The following CECR2 variants were observed in gnomAD, a reference collection of about 807,000 sequenced individuals.
The protein encoded by CECR2 is CECR2 histone acetyl-lysine reader.
CECR2 carries 30 observed loss-of-function variants against 154.5 expected under a neutral mutation model. That is an observed-to-expected ratio of 0.19 (90% CI 0.15 to 0.26). The LOEUF is 0.26. Ranked by LOEUF, CECR2 falls within the 10% of genes least tolerant of loss-of-function variation. CECR2 has a pLI of 1.00. For missense variants in CECR2, 1,743 were observed against 1,829.3 expected (o/e 0.95, Z 0.86); for synonymous variants, 725 against 683.7 (o/e 1.06, Z -0.94).
At chr22:17,414,456 CTTTT>C (rs1189863394) in intron 1 of CECR2, among the ~76,000 whole-genome samples, 1 of 118,142 alleles carries the variant, frequency 8.5e-6, no homozygotes, top group African/African-American at 3.0e-5. Context: ...TTTCTTTTTT[CTTTT>C]TTTTTTTTTT....
rs950528356 is a variant in CECR2 at position 17,524,552 on chromosome 22, C to T, written c.1108+281C>T. 2.0e-4 allele frequency among the ~76,000 whole-genome samples: 27 copies of T among 136,966 alleles called. 2 individuals are homozygous for T. The South Asian group carries it at 6.2e-3, about 31-fold the overall frequency. 89.9% of individuals were successfully genotyped at this position (136,966 alleles called of 152,430 possible). A position where few individuals can be genotyped will look rare whatever the true frequency, so the allele number is the denominator to read the frequency against. On this transcript the variant is annotated intron_variant, in intron 9 of 18. Coordinates refer to ENST00000262608, the MANE Select transcript of CECR2 (RefSeq NM_001290047.2). Reference sequence around the variant, plus strand: ...GGACTACAGGTGCCCACCACCACGCCCGGCTAATTTTTTGTATTTTTAGTT... The same window carrying T: ...GGACTACAGGTGCCCACCACCACGCTCGGCTAATTTTTTGTATTTTTAGTT...
Position 17,549,480 on chromosome 22 carries a change from G to T in CECR2, c.4193G>T (p.Gly1398Val). 6.2e-7 allele frequency: 1 copy of T among 1,610,384 alleles called. No individual in the cohort carries two copies. Reference protein sequence around the residue: ...PIYRCQEEGLGHFQAVMMEQI... With the variant: ...PIYRCQEEGLVHFQAVMMEQI... ...TATCGCTGCCAGGAAGAAGGCCTGG[G>T]TCACTTTCAAGCTGTGATGATGGAA... Residue 1398 changes from glycine (G) to valine (V), a missense_variant, in exon 17 of 19, where the codon GGT becomes GTT. Physicochemically the swap from Gly to Val is moderately radical, Grantham distance 109. Around this residue, in one of 4 missense-constraint regions of CECR2, gnomAD observed 1,250 missense variants for 1,192.1 expected, o/e 1.05. Coordinates refer to ENST00000262608, the MANE Select transcript of CECR2 (RefSeq NM_001290047.2).
intron 2 of CECR2, among the ~76,000 whole-genome samples, chr22:17,482,025 G>A (rs1244719819): frequency 1.4e-5 from 2 of 145,802 alleles, no homozygotes; most frequent in Non-Finnish European, 3.0e-5. Flanking sequence ...TGAGGCAGGA[G>A]AATGGCATGA....
intron 1 of CECR2, among the ~76,000 whole-genome samples, chr22:17,415,587 T>A (rs530959891): frequency 1.2e-3 from 187 of 152,328 alleles, no homozygotes; most frequent in African/African-American, 4.3e-3. Flanking sequence ...CTTCTACAGT[T>A]GGTATTTACA....
chr22:17,496,393 G>C (rs1183756059), intron 2 of CECR2, among the ~76,000 whole-genome samples: 4 of 151,916 alleles, frequency 2.6e-5, no homozygotes, highest in African/African-American at 4.8e-5. Flanking sequence ...CCAGCTACTC[G>C]GGAGGCTGAG....
At chr22:17,372,287 A>G (rs2063070529) in intron 1 of CECR2, among the ~76,000 whole-genome samples, 1 of 152,222 alleles carries the variant, frequency 6.6e-6, no homozygotes, top group Non-Finnish European at 1.5e-5. Flanking sequence ...TGGCTAATGG[A>G]AATTTTAACT....
At chr22:17,414,848 C>T (rs2054133310) in intron 1 of CECR2, among the ~76,000 whole-genome samples, 1 of 152,106 alleles carries the variant, frequency 6.6e-6, no homozygotes, top group Non-Finnish European at 1.5e-5. Context: ...CCCCCAGAGC[C>T]TGTGTGTGAT....
chr22:17,438,733 T>A lies in CECR2; in HGVS notation c.127-38855T>A, dbSNP rs532340627. On this transcript the variant is annotated intron_variant, in intron 1 of 18. Coordinates refer to ENST00000262608, the MANE Select transcript of CECR2 (RefSeq NM_001290047.2). ...AGTGTGGGCCAGGGAAGCCAAAAGA[T>A]TGAACAACCCTGTCATAAGGTATGT... Among the ~76,000 whole-genome samples, 3 of 152,270 alleles carry A rather than the reference T, an allele frequency of 2.0e-5. No individual in the cohort carries two copies. The East Asian group carries it at 5.8e-4, about 29-fold the overall frequency.
In CECR2 at chr22:17,548,759, T is replaced by G. The variant is rs1235658052; in HGVS notation, c.3472T>G (p.Phe1158Val). 1 of 1,613,684 alleles carries G rather than the reference T, an allele frequency of 6.2e-7. No homozygotes were observed. Among genetic ancestry groups the G allele is most frequent in the South Asian group, 1.1e-5 (1 of 91,062 alleles). ...GTCCCCAGCATCCCATCCCCAGCAT[T>G]TTCCCCCAAGGGGCTTTCAGTCTAA... Reference protein sequence around the residue: ...GKSPASHPQHFPPRGFQSNHP... With the variant: ...GKSPASHPQHVPPRGFQSNHP... Residue 1158 changes from phenylalanine to valine, a missense_variant, in exon 17 of 19, where the codon TTT becomes GTT. Coordinates refer to ENST00000262608, the MANE Select transcript of CECR2 (RefSeq NM_001290047.2).
At position 17,549,518 on chromosome 22, in the gene CECR2, A is replaced by G; in HGVS notation, c.4231A>G (p.Arg1411Gly). 3 of 1,605,858 alleles carry G rather than the reference A, an allele frequency of 1.9e-6. No individual in the cohort carries two copies. In the East Asian group the frequency reaches 6.7e-5, roughly 36 times the overall value. Reference protein sequence around the residue: ...QAVMMEQIGTRSGIRGPFQEM... With the variant: ...QAVMMEQIGTGSGIRGPFQEM... ...TGTGATGATGGAACAAATTGGCACT[A>G]GAAGTGGAATAAGAGGACCTTTCCA... The change falls in exon 17 of 19, where the codon AGA becomes GGA. Residue 1411 changes from arginine to glycine, a missense_variant. Transcript: ENST00000262608.
intron 2 of CECR2, among the ~76,000 whole-genome samples, chr22:17,482,141 A>T (rs1239709319): frequency 8.1e-5 from 6 of 74,406 alleles, no homozygotes; most frequent in Admixed American, 2.9e-4. Flanking sequence ...AAAAAAAAAA[A>T]GGGCGTGGCA....
chr22:17,514,652 A>C lies in CECR2; in HGVS notation c.954+2756A>C, dbSNP rs1283742159. Among the ~76,000 whole-genome samples the C allele has an allele frequency of 5.3e-5, 8 of 152,178 alleles. No homozygotes were observed. In the East Asian group the frequency reaches 1.5e-3, roughly 29 times the overall value. On this transcript the variant is annotated intron_variant, in intron 8 of 18. Coordinates refer to ENST00000262608, the MANE Select transcript of CECR2 (RefSeq NM_001290047.2). ...CTTTAATAGTTAAAACACTACAAAA[A>C]GTGAGTCCTGTTTTTTAGTGGTGTT... is the stretch of plus-strand genomic sequence containing the variant.
intron 16 of CECR2, among the ~76,000 whole-genome samples, chr22:17,544,837 G>A (rs1296796): frequency 0.13 from 13,904 of 104,470 alleles, 1,486 homozygotes; most frequent in Non-Finnish European, 0.2. Flanking sequence ...AAAAAAAAAA[G>A]GTTCATGCCT....
intron 2 of CECR2, among the ~76,000 whole-genome samples, chr22:17,479,599 G>C (rs938576873): frequency 6.6e-6 from 1 of 151,924 alleles, no homozygotes; most frequent in Non-Finnish European, 1.5e-5. Context: ...TTGTCCTTCT[G>C]TTTAAAATTG....
chr22:17,482,727 G>T (rs2055348568), intron 2 of CECR2, among the ~76,000 whole-genome samples: 2 of 147,608 alleles, frequency 1.4e-5, no homozygotes, highest in South Asian at 4.3e-4. Context: ...TAGAGGTAGG[G>T]TTTCATCATG....
At chr22:17,524,479 A>G (rs1466275660) in intron 9 of CECR2, 8 of 464,430 alleles carry the variant, frequency 1.7e-5, no homozygotes, top group Middle Eastern at 6.1e-4. Flanking sequence ...TGCAAGCTTC[A>G]CCTCCCGGGT....
chr22:17,366,608 C>T (rs1034552910), upstream of CECR2, among the ~76,000 whole-genome samples: 2 of 152,066 alleles, frequency 1.3e-5, no homozygotes, highest in African/African-American at 4.8e-5. Context: ...GAGTGGCCAG[C>T]CTATTGGTAG....
At chr22:17,499,868 T>C (rs2055703320) in intron 4 of CECR2, among the ~76,000 whole-genome samples, 1 of 152,182 alleles carries the variant, frequency 6.6e-6, no homozygotes, top group South Asian at 2.1e-4. Context: ...AGTAACAATT[T>C]CATCTTGCAT....
intron 7 of CECR2, among the ~76,000 whole-genome samples, chr22:17,505,426 C>T (rs5747208): frequency 0.024 from 3,666 of 151,930 alleles, 82 homozygotes; most frequent in South Asian, 0.11. Flanking sequence ...ATTGTGTCCT[C>T]TTCACCAAAT....
Sources: allele counts gnomAD v4.1 joint callset (sites outside exome capture counted in the v4.1 genomes callset), GRCh38; gene constraint gnomAD v4.1.1; regional missense constraint gnomAD v4.1.1; transcripts MANE v1.5; gene names NCBI Gene and HGNC (gene_info 2026-07-23, HGNC 2026-07-21).